The following MYO5A variants were observed in gnomAD, a reference collection of about 807,000 sequenced individuals.
MYO5A encodes the protein myosin VA, also known as unconventional myosin-Va.
MYO5A carries 98 observed loss-of-function variants against 249.7 expected under a neutral mutation model. That is an observed-to-expected ratio of 0.39 (90% CI 0.33 to 0.46). The LOEUF is 0.46. Among genes scored for constraint, MYO5A ranks in the 20% least tolerant of loss-of-function variants. MYO5A has a pLI of 0.98. For synonymous variants in MYO5A, 778 were observed against 810.6 expected, an observed-to-expected ratio of 0.96 and a Z score of 0.68; for missense variants, 1,696 against 2,308.8, an observed-to-expected ratio of 0.73 and a Z score of 5.44.
intron 7 of MYO5A, among the ~76,000 whole-genome samples, 157 bp downstream of exon 7, chr15:52,407,901 AC>A (rs1350690100): frequency 6.6e-6 from 1 of 152,006 alleles, no homozygotes; most frequent in Admixed American, 6.6e-5. Context: ...CTCCTCCTCT[AC>A]CCCTATGGGT....
intron 34 of MYO5A, among the ~76,000 whole-genome samples, chr15:52,332,283 C>T (rs1483529901): frequency 6.6e-6 from 1 of 152,206 alleles, no homozygotes; most frequent in Admixed American, 6.5e-5. Flanking sequence ...ATGATGCTAT[C>T]GGTTATGAAA....
intron 8 of MYO5A, 104 bp from the exon 9 acceptor site, chr15:52,405,497 ATGT>A (rs1357479302): frequency 1.2e-6 from 1 of 822,812 alleles, no homozygotes. Flanking sequence ...ATATTGCCAG[ATGT>A]TGTGCATATT....
At chr15:52,470,801 T>C (rs918972224) in intron 1 of MYO5A, among the ~76,000 whole-genome samples, 1 of 151,954 alleles carries the variant, frequency 6.6e-6, no homozygotes, top group African/African-American at 2.4e-5. Context: ...GGAGGGCGGA[T>C]CACTCGAGGT....
Position 52,414,860 on chromosome 15 carries a change from T to G in MYO5A, c.612+1285A>C, listed in dbSNP as rs559344312. The stretch of plus-strand genomic sequence containing the variant: ...TTACATTCTTTCAAAATCTTAACAT[T>G]TGCTTAAAATTTTCACTACTCTCTT... On this transcript the variant is annotated intron_variant, in intron 5 of 41. Coordinates refer to ENST00000399233, the MANE Select transcript of MYO5A (RefSeq NM_001382347.1). Among the ~76,000 whole-genome samples, 5 of 152,300 alleles carry G rather than the reference T, an allele frequency of 3.3e-5. No individual in the cohort carries two copies. In the East Asian group the frequency reaches 7.7e-4, roughly 23 times the overall value.
At chr15:52,328,070 G>T in intron 35 of MYO5A, 64 bp from the exon 36 acceptor site, 2 of 1,329,834 alleles carry the variant, frequency 1.5e-6, no homozygotes, top group South Asian at 1.2e-5. Context: ...TGCATTGTGA[G>T]ATATAAAAAC....
intron 36 of MYO5A, among the ~76,000 whole-genome samples, chr15:52,326,922 G>A (rs966913665): frequency 1.3e-5 from 2 of 152,162 alleles, no homozygotes; most frequent in Non-Finnish European, 2.9e-5. Flanking sequence ...TGTTTCTCTG[G>A]AGTCAAGAGG....
intron 1 of MYO5A, among the ~76,000 whole-genome samples, chr15:52,433,910 C>G (rs1448165149): frequency 6.6e-6 from 1 of 151,784 alleles, no homozygotes; most frequent in Non-Finnish European, 1.5e-5. Context: ...ATTTTTGAAG[C>G]TATGGTGTTG....
chr15:52,443,006 C>T (rs2141344170), intron 1 of MYO5A, among the ~76,000 whole-genome samples: 1 of 152,334 alleles, frequency 6.6e-6, no homozygotes, highest in East Asian at 1.9e-4. Flanking sequence ...CTGCCTTGGC[C>T]TCCCAAAGTG....
intron 1 of MYO5A, among the ~76,000 whole-genome samples, chr15:52,522,268 T>G (rs1595843075): frequency 6.6e-6 from 1 of 152,166 alleles, no homozygotes; most frequent in Admixed American, 6.5e-5. Flanking sequence ...GTGGCGGTGG[T>G]TACATGACAG....
intron 12 of MYO5A, among the ~76,000 whole-genome samples, chr15:52,391,386 A>G (rs1046979228): frequency 3.3e-5 from 5 of 152,216 alleles, no homozygotes; most frequent in African/African-American, 9.7e-5. Context: ...CTAAAATGTA[A>G]CTTACTGCAT....
intron 1 of MYO5A, among the ~76,000 whole-genome samples, chr15:52,509,128 C>A (rs1450938567): frequency 6.6e-6 from 1 of 152,128 alleles, no homozygotes; most frequent in African/African-American, 2.4e-5. Flanking sequence ...TGTGCCACCA[C>A]ACCCAGCTAA....
Position 52,396,407 on chromosome 15 carries a change from C to G in MYO5A, c.1320-10G>C. On this transcript the variant is annotated splice_polypyrimidine_tract_variant and intron_variant, in intron 10 of 41. Transcript: ENST00000399233. ...CTCAAATGTTTCAAATCTGTAACCA[C>G]AAAAATAATATGAAAAGGGGAGAAA... The G allele has an allele frequency of 6.8e-7, 1 of 1,475,016 alleles. No individual in the cohort carries two copies. Among genetic ancestry groups the G allele is most frequent in the Non-Finnish European group, 9.4e-7 (1 of 1,059,724 alleles). 91.4% of individuals were successfully genotyped at this position (1,475,016 alleles called of 1,614,324 possible).
At chr15:52,419,661 CAAGT>C (rs1359199128) in intron 4 of MYO5A, among the ~76,000 whole-genome samples, 1 of 152,082 alleles carries the variant, frequency 6.6e-6, no homozygotes, top group Non-Finnish European at 1.5e-5. Context: ...GAAATGAAAA[CAAGT>C]GTTTCCTAGA....
intron 16 of MYO5A, among the ~76,000 whole-genome samples, chr15:52,382,130 T>C (rs997529407): frequency 6.6e-6 from 1 of 152,210 alleles, no homozygotes; most frequent in Non-Finnish European, 1.5e-5. Context: ...CTCAAGCTCC[T>C]GACCTCAGGT....
chr15:52,425,219 A>G (rs1374267317), intron 4 of MYO5A, among the ~76,000 whole-genome samples: 1 of 152,206 alleles, frequency 6.6e-6, no homozygotes, highest in Non-Finnish European at 1.5e-5. Context: ...TAGGTCATTT[A>G]ATACCACTAC....
At chr15:52,398,081 A>G (rs1026920110) in intron 9 of MYO5A, among the ~76,000 whole-genome samples, 4 of 150,894 alleles carry the variant, frequency 2.7e-5, no homozygotes, top group Admixed American at 1.3e-4. Context: ...GGAAATCATC[A>G]ATAGGAAGGA....
intron 4 of MYO5A, among the ~76,000 whole-genome samples, chr15:52,417,449 T>A (rs1008897787): frequency 6.6e-6 from 1 of 152,222 alleles, no homozygotes; most frequent in Non-Finnish European, 1.5e-5. Context: ...AGTATCCTCA[T>A]CACTAGAGAA....
intron 1 of MYO5A, among the ~76,000 whole-genome samples, chr15:52,501,230 C>G (rs1475843446): frequency 6.6e-6 from 1 of 152,116 alleles, no homozygotes; most frequent in African/African-American, 2.4e-5. Context: ...CTCGGCCTCC[C>G]AAAGTGCTGG....
chr15:52,490,285 A>AC (rs1404645094), intron 1 of MYO5A, among the ~76,000 whole-genome samples: 2 of 152,202 alleles, frequency 1.3e-5, no homozygotes, highest in Non-Finnish European at 2.9e-5. Flanking sequence ...ATGCTTGTAC[A>AC]CCCATGTTCA....
Sources: gnomAD v4.1 joint callset for allele counts (sites outside exome capture counted in the v4.1 genomes callset) on GRCh38, gnomAD v4.1.1 for gene constraint, MANE v1.5 for transcripts, NCBI Gene and HGNC (gene_info 2026-07-23, HGNC 2026-07-21) for gene names.